The following DSCAM variants were observed in gnomAD, a reference collection of about 807,000 sequenced individuals.
The protein encoded by DSCAM is DS cell adhesion molecule.
In DSCAM, 47 loss-of-function variants were observed where a neutral mutation model predicts 217.7. That is an observed-to-expected ratio of 0.22 (90% CI 0.17 to 0.28). DSCAM has a LOEUF of 0.28. Ranked by LOEUF, DSCAM falls within the 10% of genes least tolerant of loss-of-function variation. The probability of loss-of-function intolerance (pLI) is 1.00; values close to 1 mark genes in which losing one functional copy is unlikely to be tolerated. For synonymous variants in DSCAM, 1,056 were observed against 1,015.3 expected (o/e 1.04, Z -0.76); for missense variants, 2,080 against 2,618.3 (o/e 0.79, Z 4.49).
intron 32 of DSCAM, among the ~76,000 whole-genome samples, chr21:40,015,590 T>C (rs550350020): frequency 6.6e-6 from 1 of 152,196 alleles, no homozygotes; most frequent in African/African-American, 2.4e-5. Context: ...CCACCATGCC[T>C]GGCTAATTAT....
intron 3 of DSCAM, among the ~76,000 whole-genome samples, chr21:40,485,392 G>A (rs1050333242): frequency 2.0e-4 from 31 of 151,730 alleles, no homozygotes; most frequent in Non-Finnish European, 3.1e-4. Flanking sequence ...ACAGGCGCCC[G>A]CCACCGCGCC....
chr21:40,483,435 T>G (rs2075999241), intron 3 of DSCAM, among the ~76,000 whole-genome samples: 1 of 152,218 alleles, frequency 6.6e-6, no homozygotes, highest in Non-Finnish European at 1.5e-5. Context: ...TTGGCTTGGT[T>G]TTAGTGTCAC....
intron 24 of DSCAM, among the ~76,000 whole-genome samples, chr21:40,081,880 G>T (rs2146563937): frequency 6.6e-6 from 1 of 152,270 alleles, no homozygotes; most frequent in Admixed American, 6.5e-5. Flanking sequence ...GCTTCATCTG[G>T]AAGACCTTGT....
At chr21:40,796,169 C>T (rs536836110) in intron 1 of DSCAM, among the ~76,000 whole-genome samples, 5 of 152,320 alleles carry the variant, frequency 3.3e-5, no homozygotes, top group Middle Eastern at 3.4e-3. Flanking sequence ...TGTCTATACA[C>T]GCTGTGTGCA....
chr21:40,196,773 T>C (rs192485617), intron 11 of DSCAM, among the ~76,000 whole-genome samples: 1 of 152,274 alleles, frequency 6.6e-6, no homozygotes, highest in East Asian at 1.9e-4. Flanking sequence ...TTTATGAGTG[T>C]TGACTGTGTG....
chr21:40,350,590 T>A (rs528577808), intron 5 of DSCAM, among the ~76,000 whole-genome samples: 127 of 152,214 alleles, frequency 8.3e-4, no homozygotes, highest in Non-Finnish European at 1.6e-3. Context: ...ATGGCTGTAA[T>A]AACCAACCAG....
intron 9 of DSCAM, among the ~76,000 whole-genome samples, chr21:40,300,134 C>G (rs1396584824): frequency 6.6e-6 from 1 of 152,108 alleles, no homozygotes; most frequent in African/African-American, 2.4e-5. Flanking sequence ...CAACAAACCT[C>G]CTGAGCTATT....
At chr21:40,409,131 A>T (rs2837616) in intron 3 of DSCAM, among the ~76,000 whole-genome samples, 7,316 of 152,334 alleles carry the variant, frequency 0.048, 397 homozygotes, top group Admixed American at 0.16. Context: ...ATACATAGTC[A>T]TAAAAACTGT....
chr21:40,325,587 C>T (rs894120588), intron 8 of DSCAM, among the ~76,000 whole-genome samples: 1 of 152,128 alleles, frequency 6.6e-6, no homozygotes. Flanking sequence ...TAAAGAACTA[C>T]AGCAAAGCAG....
At chr21:40,075,270 T>G (rs1210885590) in intron 26 of DSCAM, 57 bp from the exon 27 acceptor site, 4 of 1,582,698 alleles carry the variant, frequency 2.5e-6, no homozygotes, top group South Asian at 2.3e-5. Context: ...TGGCGGAGCT[T>G]TTAGGGATGA....
Position 40,116,870 on chromosome 21 carries a change from C to T in DSCAM, c.3696+7325G>A, listed in dbSNP as rs567561777. Among the ~76,000 whole-genome samples the T allele has an allele frequency of 7.3e-5, 11 of 151,262 alleles. No homozygotes were observed. In the East Asian group the frequency reaches 1.6e-3, roughly 22 times the overall value. On this transcript the variant is annotated intron_variant, in intron 20 of 32. Transcript: ENST00000400454. ...ACAAAACATTAGCCAGGCATGGTGGCGGGCGCCTGTAGTCCCAGCTACTTG... is the reference window on the plus strand; with the variant it reads ...ACAAAACATTAGCCAGGCATGGTGGTGGGCGCCTGTAGTCCCAGCTACTTG...
chr21:40,162,867 T>C (rs911303354), intron 16 of DSCAM, among the ~76,000 whole-genome samples: 61 of 152,160 alleles, frequency 4.0e-4, no homozygotes, highest in African/African-American at 1.4e-3. Flanking sequence ...ATTTAAGCAA[T>C]TGACCATTTC....
intron 1 of DSCAM, among the ~76,000 whole-genome samples, chr21:40,776,387 C>T (rs1466363799): frequency 5.3e-5 from 8 of 152,132 alleles, no homozygotes; most frequent in African/African-American, 1.7e-4. Context: ...CTTCTATTTG[C>T]GGATGAGACA....
intron 3 of DSCAM, among the ~76,000 whole-genome samples, chr21:40,445,880 C>T (rs1215408092): frequency 6.6e-6 from 1 of 152,176 alleles, no homozygotes; most frequent in Non-Finnish European, 1.5e-5. Context: ...ACACTGAATG[C>T]AAATAATAAG....
chr21:40,073,991 G>A (rs1261779332), intron 27 of DSCAM, among the ~76,000 whole-genome samples: 4 of 152,328 alleles, frequency 2.6e-5, no homozygotes, highest in Admixed American at 6.5e-5. Context: ...GCAAAAGCAA[G>A]TTGATAGTGA....
intron 11 of DSCAM, among the ~76,000 whole-genome samples, chr21:40,204,844 T>C (rs568394614): frequency 6.6e-6 from 1 of 152,334 alleles, no homozygotes; most frequent in East Asian, 1.9e-4. Flanking sequence ...CACAGTCACA[T>C]GTGCAACTAA....
chr21:40,563,738 A>C (rs1174749364), intron 3 of DSCAM, among the ~76,000 whole-genome samples: 2 of 142,956 alleles, frequency 1.4e-5, no homozygotes, highest in African/African-American at 5.3e-5. Context: ...TTATATGTTT[A>C]TATATAGTTA....
chr21:40,657,907 A>G (rs139602787), intron 3 of DSCAM, among the ~76,000 whole-genome samples: 1 of 152,324 alleles, frequency 6.6e-6, no homozygotes, highest in African/African-American at 2.4e-5. Flanking sequence ...TTTGAATTAT[A>G]AATGATAACC....
chr21:40,752,404 A>T (rs1194545415), intron 1 of DSCAM, among the ~76,000 whole-genome samples: 1 of 152,192 alleles, frequency 6.6e-6, no homozygotes, highest in African/African-American at 2.4e-5. Flanking sequence ...AGCAAGAGGC[A>T]GGGACCACGT....
Sources: allele counts gnomAD v4.1 joint callset (sites outside exome capture counted in the v4.1 genomes callset), GRCh38; gene constraint gnomAD v4.1.1; transcripts MANE v1.5; gene names NCBI Gene and HGNC (gene_info 2026-07-23, HGNC 2026-07-21).